Variants in FAT3 observed in about 807,000 individuals in gnomAD.
The protein encoded by FAT3 is protocadherin Fat 3.
FAT3 carries 95 observed loss-of-function variants against 310.2 expected under a neutral mutation model. The ratio of observed to expected loss-of-function variants is 0.31; its 90% CI spans 0.26 to 0.36. FAT3 has a LOEUF of 0.36. Among genes scored for constraint, FAT3 ranks in the 10% least tolerant of loss-of-function variants. The pLI is 1.00. For synonymous variants in FAT3, 2,314 were observed against 2,192.9 expected, an observed-to-expected ratio of 1.06 and a Z score of -1.54; for missense variants, 5,408 against 5,715.6, an observed-to-expected ratio of 0.95 and a Z score of 1.74.
At chr11:92,251,115 T>A (rs1865119379) in intron 1 of FAT3, among the ~76,000 whole-genome samples, 1 of 152,058 alleles carries the variant, frequency 6.6e-6, no homozygotes, top group Admixed American at 6.6e-5. Context: ...AACATTCAAG[T>A]CCTCCAGCAA....
chr11:92,503,265 T>A (rs2135280157), intron 2 of FAT3, among the ~76,000 whole-genome samples: 1 of 152,262 alleles, frequency 6.6e-6, no homozygotes, highest in East Asian at 1.9e-4. Context: ...TACCTGATTA[T>A]AATATGCATA....
At position 92,442,097 on chromosome 11, in the gene FAT3, ATATATATATATATATTT is replaced by A. The variant is rs1250759629; in HGVS notation, c.3293-82535_3293-82519del. Reference sequence around the variant, plus strand: ...ATATATATTTTATATATATATATATATATATATATATATATTTTTTTTTTTTTTTTTTTTGAGATGGA... The same window carrying A: ...ATATATATTTTATATATATATATATATTTTTTTTTTTTTTTTTGAGATGGA... On this transcript the variant is annotated intron_variant, in intron 2 of 27. Coordinates refer to ENST00000525166, the MANE Select transcript of FAT3 (RefSeq NM_001367949.2). Among the ~76,000 whole-genome samples, 69 of 45,790 alleles carry A rather than the reference ATATATATATATATATTT, an allele frequency of 1.5e-3. 1 individual carries two copies. Among genetic ancestry groups the A allele is most frequent in the East Asian group, 2.1e-3 (3 of 1,450 alleles). The allele number at this position is 45,790 out of a possible 152,430, so 30.0% of individuals were successfully genotyped here.
chr11:92,353,710 A>G lies in FAT3; in HGVS notation c.1598A>G (p.Glu533Gly), dbSNP rs1032110961. ...QFTGVISTTEELDFESSPEIY... is the reference protein window; with the variant it reads ...QFTGVISTTEGLDFESSPEIY... ...ACAGGTGTTATTAGCACAACTGAAG[A>G]ACTGGATTTTGAATCCTCCCCAGAA... Residue 533 changes from glutamate to glycine, a missense_variant, in exon 2 of 28, where the codon GAA (glutamate) becomes GGA (glycine). Physicochemically the swap from Glu to Gly is moderately conservative, Grantham distance 98. Transcript: ENST00000525166. The G allele has an allele frequency of 6.2e-7, 1 of 1,613,948 alleles. No homozygotes were observed. Among genetic ancestry groups the G allele is most frequent in the South Asian group, 1.1e-5 (1 of 91,080 alleles).
At chr11:92,712,285 T>G (rs1944549105) in intron 4 of FAT3, among the ~76,000 whole-genome samples, 1 of 152,076 alleles carries the variant, frequency 6.6e-6, no homozygotes, top group South Asian at 2.1e-4. Context: ...AACTTGGAGC[T>G]ATTAAGAAAA....
rs1949906376 is a variant in FAT3 at position 92,890,971 on chromosome 11, G to A, written c.13628G>A (p.Gly4543Asp). The change falls in exon 28 of 28, where the codon GGC becomes GAC. Residue 4543 changes from glycine (G) to aspartate (D), a missense_variant. By Grantham distance (94) the Gly-to-Asp change is moderately conservative (BLOSUM62 -1). Around this residue, in one of 5 missense-constraint regions of FAT3, gnomAD observed 649 missense variants for 666.2 expected, o/e 0.97. Coordinates refer to ENST00000525166, the MANE Select transcript of FAT3 (RefSeq NM_001367949.2). ...TCTCTGTCCTTGCACAATTCCAGAG[G>A]CACCTCATCCTCGGATGTGTCTGCC... The part of the protein sequence containing the change: ...SVSLSLHNSR[G>D]TSSSDVSANC... 2 of 1,613,946 alleles carry A rather than the reference G, an allele frequency of 1.2e-6. No individual in the cohort carries two copies. Among genetic ancestry groups the A allele is most frequent in the East Asian group, 2.2e-5 (1 of 44,876 alleles).
intron 3 of FAT3, among the ~76,000 whole-genome samples, chr11:92,676,198 G>A (rs996683670): frequency 1.3e-5 from 2 of 152,168 alleles, no homozygotes; most frequent in African/African-American, 2.4e-5. Context: ...ATTCCAAATG[G>A]AAACTGGTTT....
chr11:92,401,205 G>A (rs569557466), intron 2 of FAT3, among the ~76,000 whole-genome samples: 82 of 152,284 alleles, frequency 5.4e-4, no homozygotes, highest in African/African-American at 1.9e-3. Flanking sequence ...CTGAGTGCAG[G>A]CTAGTGGGAG....
chr11:92,433,439 C>G (rs1591284478), intron 2 of FAT3, among the ~76,000 whole-genome samples: 1 of 152,292 alleles, frequency 6.6e-6, no homozygotes, highest in East Asian at 1.9e-4. Context: ...CTGGATAGCT[C>G]TGTCCCTCAT....
intron 24 of FAT3, among the ~76,000 whole-genome samples, chr11:92,885,689 G>A (rs1423349026): frequency 6.6e-6 from 1 of 152,142 alleles, no homozygotes; most frequent in Admixed American, 6.5e-5. Context: ...TAAAAAAGGG[G>A]GGAGTTAATA....
intron 1 of FAT3, among the ~76,000 whole-genome samples, chr11:92,344,650 G>A (rs1433878841): frequency 1.3e-5 from 2 of 152,214 alleles, no homozygotes; most frequent in African/African-American, 4.8e-5. Flanking sequence ...CCATGAAGTT[G>A]TGAAGAAGGA....
chr11:92,895,150 G>A lies in FAT3; in HGVS notation c.*4037G>A, dbSNP rs917073599. On this transcript the variant is annotated 3_prime_UTR_variant, in exon 28 of 28. Transcript: ENST00000525166. ...GCACAGGTATTGCTAAAGTGGTTAG[G>A]CTTTAATGTTTTATGTTTTTAGTTT... The A allele has an allele frequency of 6.6e-6, 1 of 152,200 alleles. No individual in the cohort carries two copies. The highest frequency in any genetic ancestry group is 1.5e-5 in the Non-Finnish European group (1 of 68,042). The allele number at this position is 152,200 out of a possible 1,614,324, so 9.4% of individuals were successfully genotyped here.
chr11:92,652,304 CACAGGCCATA>C (rs1278824075), intron 3 of FAT3, among the ~76,000 whole-genome samples: 1 of 152,134 alleles, frequency 6.6e-6, no homozygotes, highest in Non-Finnish European at 1.5e-5. Flanking sequence ...TCATTGAAAC[CACAGGCCATA>C]CACATACATT....
chr11:92,809,472 CT>C (rs1947605990), intron 12 of FAT3, among the ~76,000 whole-genome samples: 1 of 152,194 alleles, frequency 6.6e-6, no homozygotes, highest in Non-Finnish European at 1.5e-5. Flanking sequence ...CCAGTCCATT[CT>C]CTGTGTGTTT....
At position 92,685,415 on chromosome 11, in the gene FAT3, G is replaced by A. The variant is rs887583265; in HGVS notation, c.3608-11969G>A. On this transcript the variant is annotated intron_variant, in intron 3 of 27. Coordinates refer to ENST00000525166, the MANE Select transcript of FAT3 (RefSeq NM_001367949.2). ...CAATAATCATCGCAGCACATAATTC[G>A]TTCTGAATTTGGAAACTTTTCCCAA... 4.0e-5 allele frequency among the ~76,000 whole-genome samples: 6 copies of A among 151,634 alleles called. 1 individual carries two copies. The highest frequency in any genetic ancestry group is 4.2e-4 in the South Asian group (2 of 4,814).
At chr11:92,508,031 G>A (rs544951575) in intron 2 of FAT3, among the ~76,000 whole-genome samples, 1 of 152,134 alleles carries the variant, frequency 6.6e-6, no homozygotes, top group Admixed American at 6.6e-5. Flanking sequence ...TCCCATCGTA[G>A]GCTTTTATAA....
At chr11:92,577,115 A>G (rs1478178526) in intron 3 of FAT3, among the ~76,000 whole-genome samples, 2 of 151,614 alleles carry the variant, frequency 1.3e-5, no homozygotes, top group Non-Finnish European at 1.5e-5. Flanking sequence ...ATTTTTATTT[A>G]TTTATTTATT....
chr11:92,758,926 A>G (rs1187032806), intron 4 of FAT3, among the ~76,000 whole-genome samples: 1 of 152,142 alleles, frequency 6.6e-6, no homozygotes. Flanking sequence ...GACATAGGAA[A>G]AGGAGGAGGT....
At chr11:92,873,787 T>C (rs1343431107) in intron 22 of FAT3, among the ~76,000 whole-genome samples, 3 of 152,212 alleles carry the variant, frequency 2.0e-5, no homozygotes, top group African/African-American at 7.2e-5. Context: ...GAGGCAAGGC[T>C]TAAAAATACA....
chr11:92,477,348 A>G (rs1952076369), intron 2 of FAT3, among the ~76,000 whole-genome samples: 1 of 152,220 alleles, frequency 6.6e-6, no homozygotes, highest in African/African-American at 2.4e-5. Flanking sequence ...AAAAATACAA[A>G]CTGTCAGACT....
Sources: allele counts gnomAD v4.1 joint callset (sites outside exome capture counted in the v4.1 genomes callset), GRCh38; gene constraint gnomAD v4.1.1; regional missense constraint gnomAD v4.1.1; transcripts MANE v1.5; gene names NCBI Gene and HGNC (gene_info 2026-07-23, HGNC 2026-07-21).